Variants in LYN observed in about 807,000 individuals in gnomAD.
The protein encoded by LYN is LYN proto-oncogene, Src family tyrosine kinase.
In LYN, 12 loss-of-function variants were observed where a neutral mutation model predicts 65.0. The observed-to-expected ratio is 0.18, with a 90% CI of 0.12 to 0.30. LYN has a LOEUF of 0.30. LYN is among the 10% of genes least tolerant of loss of function. LYN has a pLI of 1.00. For missense variants in LYN, 380 were observed against 623.2 expected (o/e 0.61, Z 4.16); for synonymous variants, 222 against 221.2 (o/e 1.00, Z -0.03).
intron 12 of LYN, among the ~76,000 whole-genome samples, chr8:56,007,114 T>G (rs1424465823): frequency 1.3e-5 from 2 of 152,180 alleles, no homozygotes; most frequent in Non-Finnish European, 2.9e-5. Context: ...AAGCTTTATC[T>G]TCCACTGTGG....
intron 1 of LYN, among the ~76,000 whole-genome samples, chr8:55,921,503 C>G (rs1471249773): frequency 6.6e-6 from 1 of 152,126 alleles, no homozygotes; most frequent in African/African-American, 2.4e-5. Flanking sequence ...GGACGAAATT[C>G]CAAATTGATT....
chr8:55,945,701 C>T (rs1432951981), intron 2 of LYN, among the ~76,000 whole-genome samples: 2 of 152,172 alleles, frequency 1.3e-5, no homozygotes, highest in African/African-American at 2.4e-5. Context: ...AGGTGGTCTT[C>T]TGTGCCACCA....
intron 2 of LYN, among the ~76,000 whole-genome samples, chr8:55,944,559 C>T (rs1484340064): frequency 6.6e-6 from 1 of 152,212 alleles, no homozygotes; most frequent in African/African-American, 2.4e-5. Context: ...CAGCTCACTG[C>T]AACCTCCTCC....
chr8:55,900,857 CCTAA>C (rs1805241215), intron 1 of LYN, among the ~76,000 whole-genome samples: 1 of 152,078 alleles, frequency 6.6e-6, no homozygotes, highest in African/African-American at 2.4e-5. Flanking sequence ...CTTATATTCT[CCTAA>C]CTCTTTATCT....
At chr8:56,001,406 G>C (rs1808508163) in intron 12 of LYN, among the ~76,000 whole-genome samples, 1 of 152,166 alleles carries the variant, frequency 6.6e-6, no homozygotes, top group African/African-American at 2.4e-5. Flanking sequence ...GCAAACCAGG[G>C]AAGGCTTTTG....
At chr8:55,880,727 C>G (rs1291145855) in intron 1 of LYN, among the ~76,000 whole-genome samples, 3 of 152,322 alleles carry the variant, frequency 2.0e-5, no homozygotes, top group African/African-American at 4.8e-5. Context: ...CTCGGCCTGC[C>G]GAGGAGCAGT....
intron 1 of LYN, among the ~76,000 whole-genome samples, chr8:55,920,120 A>G (rs1805902686): frequency 6.6e-6 from 1 of 152,240 alleles, no homozygotes; most frequent in Non-Finnish European, 1.5e-5. Flanking sequence ...GGCTGTAAAT[A>G]TAGTAAAATA....
At chr8:55,932,986 C>T (rs910166533) in intron 1 of LYN, among the ~76,000 whole-genome samples, 1 of 152,146 alleles carries the variant, frequency 6.6e-6, no homozygotes, top group African/African-American at 2.4e-5. Flanking sequence ...GAAGGGGAGA[C>T]ATTCACCAAA....
intron 1 of LYN, among the ~76,000 whole-genome samples, chr8:55,937,883 G>A (rs1486548056): frequency 6.6e-6 from 1 of 152,034 alleles, no homozygotes; most frequent in Non-Finnish European, 1.5e-5. Context: ...TTTTAGTAGA[G>A]ACAGAGTTTC....
chr8:55,917,265 A>G (rs771070459), intron 1 of LYN, among the ~76,000 whole-genome samples: 1 of 151,674 alleles, frequency 6.6e-6, no homozygotes, highest in African/African-American at 2.4e-5. Context: ...AGGTCACTGC[A>G]GCCTTGAACT....
At chr8:55,992,365 C>G (rs1490511724) in intron 10 of LYN, among the ~76,000 whole-genome samples, 1 of 152,160 alleles carries the variant, frequency 6.6e-6, no homozygotes, top group Non-Finnish European at 1.5e-5. Flanking sequence ...CCCACAGGGT[C>G]CTGACCTAAG....
intron 1 of LYN, among the ~76,000 whole-genome samples, chr8:55,881,858 GA>G (rs1804661780): frequency 6.6e-6 from 1 of 152,194 alleles, no homozygotes; most frequent in South Asian, 2.1e-4. Flanking sequence ...TGTCCAAAAT[GA>G]TAGCCCCAGT....
rs1300744270 is a variant in LYN at position 55,913,509 on chromosome 8, G to C, written c.-5-28346G>C. On this transcript the variant is annotated intron_variant, in intron 1 of 12. Coordinates refer to ENST00000519728, the MANE Select transcript of LYN (RefSeq NM_002350.4). ...TAAAACGATTAAAGTTGTGCTTGCTGAATTTCAACTACATTAAAGGTACCA... is the reference window on the plus strand; with the variant it reads ...TAAAACGATTAAAGTTGTGCTTGCTCAATTTCAACTACATTAAAGGTACCA... 7.2e-5 allele frequency among the ~76,000 whole-genome samples: 11 copies of C among 152,202 alleles called. 1 individual carries two copies. Among genetic ancestry groups the C allele is most frequent in the Admixed American group, 5.2e-4 (8 of 15,270 alleles).
At position 55,956,953 on chromosome 8, in the gene LYN, T is replaced by A. The variant is rs549341961; in HGVS notation, c.790+2969T>A. ...TGCTCTAAGTGTGTTTGCATTGACA[T>A]TCTCACTTACTCATTGCTGTAGCAC... On this transcript the variant is annotated intron_variant, in intron 8 of 12. Coordinates refer to ENST00000519728, the MANE Select transcript of LYN (RefSeq NM_002350.4). Among the ~76,000 whole-genome samples the A allele has an allele frequency of 3.9e-5, 6 of 152,334 alleles. No individual in the cohort carries two copies. The South Asian group carries it at 1.2e-3, about 32-fold the overall frequency.
In LYN at chr8:55,910,899, GT is replaced by G. The variant is rs767304702; in HGVS notation, c.-6+30811del. On this transcript the variant is annotated intron_variant, in intron 1 of 12. Transcript: ENST00000519728. ...TGGTTTTTGGCTTTTTACTAATTTT[GT>G]TTTTTTTTTTTTTTGAGACAGAGTC... 3.1e-3 allele frequency among the ~76,000 whole-genome samples: 378 copies of G among 123,402 alleles called. 2 individuals are homozygous for G. The highest frequency in any genetic ancestry group is 8.7e-3 in the African/African-American group (293 of 33,658). The allele number at this position is 123,402 out of a possible 152,430, so 81.0% of individuals were successfully genotyped here.
At chr8:55,900,393 G>A (rs1459108703) in intron 1 of LYN, among the ~76,000 whole-genome samples, 1 of 151,956 alleles carries the variant, frequency 6.6e-6, no homozygotes, top group African/African-American at 2.4e-5. Flanking sequence ...TTTTTTTAGG[G>A]ATAGGATTTC....
At chr8:55,924,039 G>A (rs540562253) in intron 1 of LYN, among the ~76,000 whole-genome samples, 41 of 151,822 alleles carry the variant, frequency 2.7e-4, no homozygotes, top group Admixed American at 4.6e-4. Context: ...TCACTTTCTG[G>A]TGGTACTTGT....
At chr8:55,892,188 C>T (rs111296805) in intron 1 of LYN, among the ~76,000 whole-genome samples, 10,115 of 152,184 alleles carry the variant, frequency 0.066, 579 homozygotes, top group African/African-American at 0.16. Flanking sequence ...TTTAGAAGGC[C>T]GAGGCAGATG....
chr8:55,887,833 C>T (rs962104443), intron 1 of LYN, among the ~76,000 whole-genome samples: 2 of 152,052 alleles, frequency 1.3e-5, no homozygotes, highest in African/African-American at 4.8e-5. Flanking sequence ...TGGTCTCGAA[C>T]TTCTGGCCTC....
Sources: gnomAD v4.1 joint callset for allele counts (sites outside exome capture counted in the v4.1 genomes callset) on GRCh38, gnomAD v4.1.1 for gene constraint, MANE v1.5 for transcripts, NCBI Gene and HGNC (gene_info 2026-07-23, HGNC 2026-07-21) for gene names.